PRR5: variants seen among roughly 807,000 people sequenced by gnomAD.
The protein encoded by PRR5 is proline rich 5, also known as proline-rich protein 5.
PRR5 carries 25 observed loss-of-function variants against 30.6 expected under a neutral mutation model. The ratio of observed to expected loss-of-function variants is 0.82; its 90% confidence interval spans 0.60 to 1.14. The LOEUF (loss-of-function observed/expected upper bound fraction) is 1.14, where lower values mean the gene tolerates loss of function less well. PRR5 is among the 50% of genes most tolerant of loss of function. The pLI is 0.00. For synonymous variants in PRR5, 286 were observed against 247.1 expected (o/e 1.16, Z -1.48); for missense variants, 600 against 547.1 (o/e 1.10, Z -0.96).
chr22:44,737,511 C>A lies in PRR5; in HGVS notation c.*264C>A, dbSNP rs911047421. On this transcript the variant is annotated 3_prime_UTR_variant, in exon 8 of 8. Transcript: ENST00000336985. Reference sequence around the variant, plus strand: ...GACGGGGGTCGGCCGCTCGCTCCCACGCTCCTCCTGCCCCAGCCCTCTGGT... The same window carrying A: ...GACGGGGGTCGGCCGCTCGCTCCCAAGCTCCTCCTGCCCCAGCCCTCTGGT... The A allele has an allele frequency of 3.7e-6, 2 of 545,164 alleles. No individual in the cohort carries two copies. The highest frequency in any genetic ancestry group is 6.0e-6 in the Non-Finnish European group (2 of 331,902). 33.8% of individuals were successfully genotyped at this position (545,164 alleles called of 1,614,324 possible).
intron 1 of PRR5, 64 bp downstream of exon 1, chr22:44,702,672 T>C: frequency 8.0e-7 from 1 of 1,244,284 alleles, no homozygotes; most frequent in Non-Finnish European, 1.0e-6. Context: ...CCCTGAGCCG[T>C]CCGCGGGCTA....
chr22:44,730,207 T>C (rs1921691243), intron 4 of PRR5: 1 of 985,260 alleles, frequency 1.0e-6, no homozygotes, highest in African/African-American at 1.7e-5. Flanking sequence ...CAAAGGTCCC[T>C]GTTCAGCCTC....
intron 1 of PRR5, among the ~76,000 whole-genome samples, chr22:44,708,966 CAA>C (rs60854330): frequency 0.021 from 1,368 of 64,100 alleles, 11 homozygotes; most frequent in African/African-American, 0.054. Flanking sequence ...GACTCTGTCT[CAA>C]AAAAAAAAAA....
chr22:44,714,869 T>C (rs1158297083), intron 2 of PRR5, among the ~76,000 whole-genome samples, 198 bp downstream of exon 2: 1 of 152,208 alleles, frequency 6.6e-6, no homozygotes. Flanking sequence ...AGCTGCCATG[T>C]GGGCCATGAC....
chr22:44,676,638 C>A (rs1165685078), upstream of PRR5, among the ~76,000 whole-genome samples: 2 of 151,962 alleles, frequency 1.3e-5, no homozygotes, highest in East Asian at 3.9e-4. Flanking sequence ...GGGGGGCTGT[C>A]CAAGGGGCAT....
At chr22:44,693,616 C>CT (rs1228023916) in intron 1 of PRR5, among the ~76,000 whole-genome samples, 2,868 of 90,522 alleles carry the variant, frequency 0.032, 316 homozygotes, top group Non-Finnish European at 0.044. Flanking sequence ...TTCACATGGA[C>CT]TTTTTTTTTT....
upstream of PRR5, among the ~76,000 whole-genome samples, chr22:44,674,299 G>T (rs1234959220): frequency 3.9e-5 from 6 of 152,066 alleles, no homozygotes; most frequent in Admixed American, 2.0e-4. Flanking sequence ...TTTGTTTTTG[G>T]TTTTTTGGGT....
At chr22:44,684,592 C>A (rs1192986206) in intron 1 of PRR5, among the ~76,000 whole-genome samples, 1 of 152,180 alleles carries the variant, frequency 6.6e-6, no homozygotes, top group East Asian at 1.9e-4. Flanking sequence ...CACTGGGGAC[C>A]AGGGTCAGGA....
chr22:44,722,575 C>T (rs1462260297), intron 2 of PRR5, among the ~76,000 whole-genome samples: 3 of 152,192 alleles, frequency 2.0e-5, no homozygotes, highest in Non-Finnish European at 4.4e-5. Context: ...GGGCAGCCAG[C>T]CCTGAACTGG....
At chr22:44,689,056 C>G (rs1195857149) in intron 1 of PRR5, among the ~76,000 whole-genome samples, 3 of 152,168 alleles carry the variant, frequency 2.0e-5, no homozygotes, top group African/African-American at 2.4e-5. Flanking sequence ...CACTTTTTTA[C>G]AAGCTCGATC....
intron 2 of PRR5, among the ~76,000 whole-genome samples, chr22:44,722,270 C>T (rs916655708): frequency 6.6e-6 from 1 of 152,246 alleles, no homozygotes; most frequent in Non-Finnish European, 1.5e-5. Context: ...TTAGCCTGAA[C>T]CTCAGCTTCC....
chr22:44,733,575 G>T (rs546250851), intron 6 of PRR5, among the ~76,000 whole-genome samples: 8 of 152,280 alleles, frequency 5.3e-5, no homozygotes, highest in African/African-American at 1.9e-4. Context: ...GGCCTGGCTG[G>T]GTTGAAGCGG....
At chr22:44,706,791 G>T (rs1241517264) in intron 1 of PRR5, among the ~76,000 whole-genome samples, 1 of 152,148 alleles carries the variant, frequency 6.6e-6, no homozygotes, top group African/African-American at 2.4e-5. Flanking sequence ...GTCTCCCAGA[G>T]TGCTGGGATT....
chr22:44,725,058 C>G (rs41368848), intron 2 of PRR5, among the ~76,000 whole-genome samples, 186 bp from the exon 3 acceptor site: 6,377 of 152,204 alleles, frequency 0.042, 461 homozygotes, highest in African/African-American at 0.15. Flanking sequence ...CCATGGAGGC[C>G]CCGGTTGTGT....
intron 4 of PRR5, chr22:44,731,444 G>C (rs1921947040): frequency 7.8e-6 from 4 of 515,372 alleles, no homozygotes; most frequent in Non-Finnish European, 1.4e-5. Context: ...GCCAGGAGCA[G>C]ACCCTGAGCC....
chr22:44,706,969 T>C (rs1927308630), intron 1 of PRR5, among the ~76,000 whole-genome samples: 1 of 152,182 alleles, frequency 6.6e-6, no homozygotes, highest in East Asian at 1.9e-4. Context: ...CCCTAGCCTG[T>C]GACAGATCTG....
In PRR5 at chr22:44,702,327, G is replaced by C; in HGVS notation, c.-148G>C. 2.6e-6 allele frequency: 3 copies of C among 1,154,480 alleles called. No individual in the cohort carries two copies. Among genetic ancestry groups the C allele is most frequent in the South Asian group, 4.3e-5 (1 of 23,436 alleles). The allele number at this position is 1,154,480 out of a possible 1,614,324, so 71.5% of individuals were successfully genotyped here. On this transcript the variant is annotated 5_prime_UTR_variant, in exon 1 of 8. Transcript: ENST00000336985. ...ACCCGAGACGGAGGCGCGGGGCCGG[G>C]GCGGGACCCCGCAGGACCGCTCGGC... is the stretch of plus-strand genomic sequence containing the variant.
At chr22:44,734,236 C>T (rs911203007) in intron 6 of PRR5, 1 of 152,248 alleles carries the variant, frequency 6.6e-6, no homozygotes, top group African/African-American at 2.4e-5. Context: ...CGCACCACTG[C>T]ACTCCAGCCT....
chr22:44,731,849 G>GC, intron 5 of PRR5, 28 bp downstream of exon 5: 1 of 1,603,284 alleles, frequency 6.2e-7, no homozygotes, highest in African/African-American at 1.3e-5. Context: ...GGGGAGGGAA[G>GC]CCCAGTGCCC....
Sources: gnomAD v4.1 joint callset for allele counts (sites outside exome capture counted in the v4.1 genomes callset) on GRCh38, gnomAD v4.1.1 for gene constraint, MANE v1.5 for transcripts, NCBI Gene and HGNC (gene_info 2026-07-23, HGNC 2026-07-21) for gene names.